The following LMOD3 variants were observed in gnomAD, a reference collection of about 807,000 sequenced individuals.
LMOD3 encodes leiomodin-3.
LMOD3 carries 31 observed loss-of-function variants against 41.8 expected under a neutral mutation model. The ratio of observed to expected loss-of-function variants is 0.74; its 90% CI spans 0.56 to 1.00. The LOEUF is 1.00. Ranked by LOEUF, LMOD3 falls within the 50% of genes least tolerant of loss-of-function variation. The pLI, the probability that LMOD3 is intolerant of heterozygous loss-of-function variation, is 0.00. For synonymous variants in LMOD3, 292 were observed against 241.9 expected (o/e 1.21, Z -1.92); for missense variants, 755 against 679.5 (o/e 1.11, Z -1.23).
At chr3:69,121,834 G>A (rs571817353) in intron 1 of LMOD3, among the ~76,000 whole-genome samples, 8 of 152,158 alleles carry the variant, frequency 5.3e-5, no homozygotes, top group Non-Finnish European at 1.2e-4. Context: ...TAGAACACAG[G>A]CTTTCTGACA....
In LMOD3 at chr3:69,119,437, C is replaced by A; in HGVS notation, c.918G>T (p.Leu306Phe). ...ENVAFALANM[L>F]RENRSITTLN... is the part of the protein sequence containing the mutation. Reference sequence around the variant, plus strand: ...GAGTGGTGATGCTTCTATTTTCACGCAACATGTTAGCCAAGGCAAATGCTA... The same window carrying A: ...GAGTGGTGATGCTTCTATTTTCACGAAACATGTTAGCCAAGGCAAATGCTA... The change falls in exon 2 of 3, where the codon TTG becomes TTT. Residue 306 changes from leucine (L) to phenylalanine (F), a missense_variant. Leu to Phe is a conservative substitution (Grantham distance 22). Transcript: ENST00000420581. 1 of 1,613,966 alleles carries A rather than the reference C, an allele frequency of 6.2e-7. No individual in the cohort carries two copies. Among genetic ancestry groups the A allele is most frequent in the South Asian group, 1.1e-5 (1 of 91,080 alleles).
rs1342883968 is a variant in LMOD3 at position 69,106,286 on chromosome 3, CAT to C, written c.*2807_*2808del. Among the ~76,000 whole-genome samples the C allele has an allele frequency of 4.6e-5, 7 of 152,146 alleles. No individual in the cohort carries two copies. Among genetic ancestry groups the C allele is most frequent in the African/African-American group, 7.2e-5 (3 of 41,506 alleles). On this transcript the variant is annotated 3_prime_UTR_variant, in exon 3 of 3. Coordinates refer to ENST00000420581, the MANE Select transcript of LMOD3 (RefSeq NM_198271.5). ...ATACATGTTAGCCCAGTTTTATATA[CAT>C]GTTAGCCCATTCCATTTTCTACAAG...
rs949880991 is a variant in LMOD3, at chr3:69,108,418, A to C, written c.*677T>G. 6.6e-6 allele frequency: 1 copy of C among 152,116 alleles called. No homozygotes were observed. The highest frequency in any genetic ancestry group is 1.5e-5 in the Non-Finnish European group (1 of 68,028). The allele number at this position is 152,116 out of a possible 1,614,324, so 9.4% of individuals were successfully genotyped here. A position where few individuals can be genotyped will look rare whatever the true frequency, so the allele number is the denominator to read the frequency against. ...CTTTCCCATTACTTTTCCTAGTGAC[A>C]CTTAGTTTTCACCATGTTCTGTGGC... is the stretch of plus-strand genomic sequence containing the variant. On this transcript the variant is annotated 3_prime_UTR_variant, in exon 3 of 3. Transcript: ENST00000420581.
intron 2 of LMOD3, among the ~76,000 whole-genome samples, chr3:69,116,405 C>T (rs1424606781): frequency 1.3e-5 from 2 of 152,234 alleles, no homozygotes; most frequent in Non-Finnish European, 2.9e-5. Flanking sequence ...CTTTCAAAAC[C>T]GAGGGTGATA....
rs1190777851 is a variant in LMOD3, at chr3:69,106,860, A to ATTTTTTTTT, written c.*2226_*2234dup. On this transcript the variant is annotated 3_prime_UTR_variant, in exon 3 of 3. Coordinates refer to ENST00000420581, the MANE Select transcript of LMOD3 (RefSeq NM_198271.5). Reference sequence around the variant, plus strand: ...AGCTACCATGCCTGGCTAATTTTGTATTTTTTTTTTTTTTTTTTTTTTTTT... The same window carrying ATTTTTTTTT: ...AGCTACCATGCCTGGCTAATTTTGTATTTTTTTTTTTTTTTTTTTTTTTTTTTTTTTTTT... 2.0e-5 allele frequency: 1 copy of ATTTTTTTTT among 50,714 alleles called. No individual in the cohort carries two copies. The highest frequency in any genetic ancestry group is 7.3e-5 in the African/African-American group (1 of 13,658). 3.1% of individuals were successfully genotyped at this position (50,714 alleles called of 1,614,324 possible). A position where few individuals can be genotyped will look rare whatever the true frequency, so the allele number is the denominator to read the frequency against.
chr3:69,117,553 A>G (rs2092380759), intron 2 of LMOD3, among the ~76,000 whole-genome samples: 1 of 152,194 alleles, frequency 6.6e-6, no homozygotes, highest in Non-Finnish European at 1.5e-5. Flanking sequence ...CCATCATAAT[A>G]ATGACCAAAA....
In LMOD3 at chr3:69,122,316, A is replaced by G. The variant is rs745865430; in HGVS notation, c.71T>C (p.Leu24Ser). ...CAGTTCTTCAGCAGACAAGTTGGCC[A>G]AGATTTCATCTTCATTAATCTCCTC... The part of the protein sequence containing the change: ...LDEEINEDEI[L>S]ANLSAEELKE... Residue 24 changes from leucine to serine, a missense_variant, in exon 1 of 3, where the codon TTG (leucine) becomes TCG (serine). Leu to Ser is a moderately radical substitution (Grantham distance 145). Transcript: ENST00000420581. 6.8e-6 allele frequency: 11 copies of G among 1,613,218 alleles called. No homozygotes were observed. Among genetic ancestry groups the G allele is most frequent in the South Asian group, 4.4e-5 (4 of 91,008 alleles).
Position 69,119,734 on chromosome 3 carries a change from T to C in LMOD3, c.621A>G (p.Glu207=), listed in dbSNP as rs770100486. The stretch of plus-strand genomic sequence containing the variant: ...ATTTCGATATTTTTTTCTCACTTTG[T>C]TCTTGGGCCTCTGGTCTGTCTCTCT... ...KEQRDRPEAQ[E]QSEKKISKLD... The change falls in exon 2 of 3, where the codon GAA becomes GAG. Residue 207 remains glutamate, a synonymous_variant. Coordinates refer to ENST00000420581, the MANE Select transcript of LMOD3 (RefSeq NM_198271.5). The C allele has an allele frequency of 6.2e-7, 1 of 1,613,968 alleles. No homozygotes were observed. Among genetic ancestry groups the C allele is most frequent in the Non-Finnish European group, 8.5e-7 (1 of 1,179,868 alleles).
rs1213465659 is a variant in LMOD3 at position 69,107,869 on chromosome 3, T to A, written c.*1226A>T. 1 of 152,108 alleles carries A rather than the reference T, an allele frequency of 6.6e-6. No individual in the cohort carries two copies. The highest frequency in any genetic ancestry group is 1.5e-5 in the Non-Finnish European group (1 of 68,014). The allele number at this position is 152,108 out of a possible 1,614,324, so 9.4% of individuals were successfully genotyped here. A position where few individuals can be genotyped will look rare whatever the true frequency, so the allele number is the denominator to read the frequency against. On this transcript the variant is annotated 3_prime_UTR_variant, in exon 3 of 3. Transcript: ENST00000420581. ...GCACCTAGTGGCTAGAATGAATAAT[T>A]AAGGCCTCTAGGAACTTGGAAGAAG...
chr3:69,108,980 T>A lies in LMOD3; in HGVS notation c.*115A>T, dbSNP rs2092335732. On this transcript the variant is annotated 3_prime_UTR_variant, in exon 3 of 3. Coordinates refer to ENST00000420581, the MANE Select transcript of LMOD3 (RefSeq NM_198271.5). ...CAAATACCCTTATCAGATGGTAGCA[T>A]TGTTTCCAGTTCTGCCACGTGGATC... The A allele has an allele frequency of 2.2e-6, 2 of 903,440 alleles. No homozygotes were observed. The highest frequency in any genetic ancestry group is 1.5e-5 in the South Asian group (1 of 65,612). The allele number at this position is 903,440 out of a possible 1,614,324, so 56.0% of individuals were successfully genotyped here. A position where few individuals can be genotyped will look rare whatever the true frequency, so the allele number is the denominator to read the frequency against.
At position 69,118,888 on chromosome 3, in the gene LMOD3, C is replaced by T. The variant is rs2092390289; in HGVS notation, c.1467G>A (p.Lys489=). 3 of 1,611,432 alleles carry T rather than the reference C, an allele frequency of 1.9e-6. No individual in the cohort carries two copies. The highest frequency in any genetic ancestry group is 2.5e-6 in the Non-Finnish European group (3 of 1,179,398). ...GAGATTTGCGCTGGATTCTCTTCAG[C>T]TTCACCACCCGGAAGGAGTCAGGGT... The part of the protein sequence containing the change: ...RTDPDSFRVV[K]LKRIQRKSRM... The change falls in exon 2 of 3, where the codon AAG becomes AAA. Residue 489 remains lysine, a synonymous_variant. Coordinates refer to ENST00000420581, the MANE Select transcript of LMOD3 (RefSeq NM_198271.5).
At chr3:69,118,610 C>T in intron 2 of LMOD3, 89 bp downstream of exon 2, 1 of 1,411,594 alleles carries the variant, frequency 7.1e-7, no homozygotes, top group Non-Finnish European at 9.5e-7. Context: ...TAGTGAGTAT[C>T]CCCTTATGTT....
rs143556928 is a variant in LMOD3 at position 69,116,728 on chromosome 3, C to G, written c.1656+1971G>C. ...TGCGGTCGAGACTGAACCTGACTTACCACTATATCCCCAATCCTTCTCATC... is the reference window on the plus strand; with the variant it reads ...TGCGGTCGAGACTGAACCTGACTTAGCACTATATCCCCAATCCTTCTCATC... On this transcript the variant is annotated intron_variant, in intron 2 of 2. Coordinates refer to ENST00000420581, the MANE Select transcript of LMOD3 (RefSeq NM_198271.5). Among the ~76,000 whole-genome samples the G allele has an allele frequency of 7.2e-3, 1,094 of 152,234 alleles. 22 individuals are homozygous for G. Among genetic ancestry groups the G allele is most frequent in the African/African-American group, 0.025 (1,021 of 41,540 alleles).
chr3:69,117,630 A>G (rs1365867599), intron 2 of LMOD3, among the ~76,000 whole-genome samples: 1 of 152,224 alleles, frequency 6.6e-6, no homozygotes, highest in Non-Finnish European at 1.5e-5. Flanking sequence ...ATCGTGGATC[A>G]TGGTAAATGT....
At chr3:69,109,464 T>A (rs531269648) in intron 2 of LMOD3, among the ~76,000 whole-genome samples, 39 of 151,452 alleles carry the variant, frequency 2.6e-4, no homozygotes, top group Admixed American at 1.3e-3. Flanking sequence ...TGTAAAATGA[T>A]AATAACAGTA....
chr3:69,116,629 C>G (rs1205167975), intron 2 of LMOD3, among the ~76,000 whole-genome samples: 1 of 152,120 alleles, frequency 6.6e-6, no homozygotes, highest in Non-Finnish European at 1.5e-5. Flanking sequence ...AGACTCTAGA[C>G]CCAAAACTGT....
In LMOD3 at chr3:69,106,693, A is replaced by ATTT. The variant is rs373817195; in HGVS notation, c.*2399_*2401dup. ...AACAAATGCATAGGGGCTTTCTAGA[A>ATTT]TTTTTTTTTTTTTTTTGAGATGAGG... On this transcript the variant is annotated 3_prime_UTR_variant, in exon 3 of 3. Coordinates refer to ENST00000420581, the MANE Select transcript of LMOD3 (RefSeq NM_198271.5). 0.036 allele frequency among the ~76,000 whole-genome samples: 4,944 copies of ATTT among 137,654 alleles called. 185 individuals are homozygous for ATTT. Among genetic ancestry groups the ATTT allele is most frequent in the South Asian group, 0.12 (536 of 4,304 alleles). 90.3% of individuals were successfully genotyped at this position (137,654 alleles called of 152,430 possible).
chr3:69,114,992 T>G (rs2092364938), intron 2 of LMOD3, among the ~76,000 whole-genome samples: 1 of 152,156 alleles, frequency 6.6e-6, no homozygotes, highest in Non-Finnish European at 1.5e-5. Flanking sequence ...CAGCCTCTTG[T>G]GTAGCTGGTA....
At position 69,122,533 on chromosome 3, in the gene LMOD3, A is replaced by T; in HGVS notation, c.-147T>A. The stretch of plus-strand genomic sequence containing the variant: ...GAGATATTTTTTTTTTTTTCCCAGG[A>T]ACCTCAGTGGTTTGCTGAGCAGCTA... On this transcript the variant is annotated 5_prime_UTR_variant, in exon 1 of 3. Coordinates refer to ENST00000420581, the MANE Select transcript of LMOD3 (RefSeq NM_198271.5). 1 of 628,980 alleles carries T rather than the reference A, an allele frequency of 1.6e-6. No homozygotes were observed. Among genetic ancestry groups the T allele is most frequent in the Non-Finnish European group, 2.7e-6 (1 of 369,732 alleles). 39.0% of individuals were successfully genotyped at this position (628,980 alleles called of 1,614,324 possible). A position where few individuals can be genotyped will look rare whatever the true frequency, so the allele number is the denominator to read the frequency against.
Sources: allele counts gnomAD v4.1 joint callset (sites outside exome capture counted in the v4.1 genomes callset), GRCh38; gene constraint gnomAD v4.1.1; transcripts MANE v1.5; gene names NCBI Gene and HGNC (gene_info 2026-07-23, HGNC 2026-07-21).